SLC39A10: variants seen among roughly 807,000 people sequenced by gnomAD.
The protein encoded by SLC39A10 is zinc transporter ZIP10.
Under a neutral mutation model 65.1 loss-of-function variants are expected in SLC39A10, and 13 were observed. That is an observed-to-expected ratio of 0.20 (90% CI 0.13 to 0.32). The LOEUF (loss-of-function observed/expected upper bound fraction) is 0.32, where lower values mean the gene tolerates loss of function less well. Ranked by LOEUF, SLC39A10 falls within the 10% of genes least tolerant of loss-of-function variation. SLC39A10 has a pLI of 1.00. For missense variants in SLC39A10, 831 were observed against 1,018.4 expected, an observed-to-expected ratio of 0.82 and a Z score of 2.50; for synonymous variants, 321 against 342.2, an observed-to-expected ratio of 0.94 and a Z score of 0.68.
rs1330875490 is a variant in SLC39A10, at chr2:195,657,489, C to G, written c.-12+208C>G. ...CAGCCGAAGCAGAGCGCGTGGTGGG[C>G]AGAGTGTTGGGCGCCGCGGCTCCTC... On this transcript the variant is annotated intron_variant, in intron 1 of 9. Coordinates refer to ENST00000359634, the MANE Select transcript of SLC39A10 (RefSeq NM_020342.3). 1.1e-5 allele frequency: 11 copies of G among 985,472 alleles called. No individual in the cohort carries two copies. In the East Asian group the frequency reaches 4.5e-4, roughly 41 times the overall value. 61.0% of individuals were successfully genotyped at this position (985,472 alleles called of 1,614,324 possible).
chr2:195,657,576 C>T, intron 1 of SLC39A10: 1 of 982,554 alleles, frequency 1.0e-6, no homozygotes, highest in Non-Finnish European at 1.2e-6. Context: ...ACTTCGCGTG[C>T]GGAGCCTCGC....
intron 1 of SLC39A10, among the ~76,000 whole-genome samples, chr2:195,678,872 A>T (rs1452829576): frequency 6.6e-6 from 1 of 152,206 alleles, no homozygotes; most frequent in Non-Finnish European, 1.5e-5. Context: ...TATTTTGGAT[A>T]TAATGGGTTA....
intron 3 of SLC39A10, among the ~76,000 whole-genome samples, chr2:195,695,603 C>T (rs927141233): frequency 6.6e-6 from 1 of 152,170 alleles, no homozygotes; most frequent in Non-Finnish European, 1.5e-5. Flanking sequence ...AATCCAGTTC[C>T]TCCAAAGGTC....
chr2:195,630,024 C>T (rs921794513), intron 2 of SLC39A10, among the ~76,000 whole-genome samples: 29 of 151,932 alleles, frequency 1.9e-4, no homozygotes, highest in Non-Finnish European at 4.4e-5. Flanking sequence ...GAATGAGCCA[C>T]TACTGCACCC....
At chr2:195,694,226 C>A (rs889204887) in intron 3 of SLC39A10, among the ~76,000 whole-genome samples, 6 of 152,130 alleles carry the variant, frequency 3.9e-5, no homozygotes, top group African/African-American at 1.4e-4. Context: ...GTCATATGGT[C>A]TATCTTGGAG....
Position 195,735,030 on chromosome 2 carries a change from A to C in SLC39A10, c.2485A>C (p.Ile829Leu), listed in dbSNP as rs1387694520. ...CTATGAAGATAAAATTGTGTTTGACATCCAGTTTTGACCTTTCCCAGTAAT... is the reference window on the plus strand; with the variant it reads ...CTATGAAGATAAAATTGTGTTTGACCTCCAGTTTTGACCTTTCCCAGTAAT... ...ALYEDKIVFD[I>L]QF is the part of the protein sequence containing the mutation. Residue 829 changes from isoleucine to leucine, a missense_variant, in exon 10 of 10, where the codon ATC becomes CTC. Around this residue, in one of 4 missense-constraint regions of SLC39A10, gnomAD observed 120 missense variants for 203.9 expected, o/e 0.59. Coordinates refer to ENST00000359634, the MANE Select transcript of SLC39A10 (RefSeq NM_020342.3). 1 of 1,609,422 alleles carries C rather than the reference A, an allele frequency of 6.2e-7. No individual in the cohort carries two copies. Among genetic ancestry groups the C allele is most frequent in the Non-Finnish European group, 8.5e-7 (1 of 1,178,622 alleles).
intron 1 of SLC39A10, among the ~76,000 whole-genome samples, chr2:195,674,902 C>T (rs1161507800): frequency 6.6e-6 from 1 of 152,048 alleles, no homozygotes; most frequent in African/African-American, 2.4e-5. Flanking sequence ...AGTAAAAATT[C>T]AGTATAAAAG....
intron 3 of SLC39A10, among the ~76,000 whole-genome samples, chr2:195,701,907 C>T (rs1378672516): frequency 6.6e-6 from 1 of 151,972 alleles, no homozygotes; most frequent in Non-Finnish European, 1.5e-5. Flanking sequence ...GTCTCAAACG[C>T]CTGGGCTCAG....
At chr2:195,644,245 C>G (rs745337676) in intron 2 of SLC39A10, among the ~76,000 whole-genome samples, 2 of 151,638 alleles carry the variant, frequency 1.3e-5, no homozygotes, top group Non-Finnish European at 2.9e-5. Flanking sequence ...GCCTGTGATC[C>G]CAGCACTTTG....
At chr2:195,657,855 C>T (rs1014030132) in intron 1 of SLC39A10, among the ~76,000 whole-genome samples, 32 of 152,312 alleles carry the variant, frequency 2.1e-4, no homozygotes, top group Non-Finnish European at 8.8e-5. Flanking sequence ...ACCGCTGTTC[C>T]GGACCGAGGC....
intron 2 of SLC39A10, among the ~76,000 whole-genome samples, chr2:195,637,382 CA>C (rs1688716308): frequency 6.6e-6 from 1 of 152,132 alleles, no homozygotes; most frequent in Non-Finnish European, 1.5e-5. Context: ...CCAGGGAACA[CA>C]AAATATCTCA....
intron 1 of SLC39A10, among the ~76,000 whole-genome samples, chr2:195,675,611 T>C (rs1690053899): frequency 6.6e-6 from 1 of 152,144 alleles, no homozygotes; most frequent in Non-Finnish European, 1.5e-5. Context: ...TTTTTGAATC[T>C]TCAGTAGAGA....
chr2:195,731,839 T>A (rs1432708768), intron 9 of SLC39A10, among the ~76,000 whole-genome samples: 3 of 152,212 alleles, frequency 2.0e-5, no homozygotes, highest in Non-Finnish European at 2.9e-5. Context: ...GAATGATTTA[T>A]AACATCATTC....
At chr2:195,625,223 AAAG>A (rs1156822542) in intron 2 of SLC39A10, among the ~76,000 whole-genome samples, 118 of 60,420 alleles carry the variant, frequency 2.0e-3, no homozygotes, top group African/African-American at 9.0e-3. Context: ...TCTCAAAAAA[AAAG>A]AAAGAAAGAA....
chr2:195,658,492 T>G (rs1380576449), intron 1 of SLC39A10: 3 of 152,246 alleles, frequency 2.0e-5, no homozygotes, highest in Non-Finnish European at 4.4e-5. Context: ...TAATTTTACA[T>G]TGGAACTGAG....
chr2:195,673,389 C>T (rs536510670), intron 1 of SLC39A10, among the ~76,000 whole-genome samples: 5 of 152,170 alleles, frequency 3.3e-5, no homozygotes, highest in East Asian at 1.9e-4. Flanking sequence ...CTTGAACTTG[C>T]GCTCAAGATC....
chr2:195,709,787 A>C (rs945605066), intron 5 of SLC39A10, among the ~76,000 whole-genome samples: 7 of 152,212 alleles, frequency 4.6e-5, no homozygotes, highest in Non-Finnish European at 7.3e-5. Flanking sequence ...ATTGACTTAA[A>C]TAGGATGGCA....
chr2:195,650,726 G>T lies in SLC39A10; in HGVS notation c.-11-29306G>T, dbSNP rs77431101. On this transcript the variant is annotated intron_variant, in intron 2 of 2. Transcript: ENST00000458054. ...CAATCTATTTTTGTCTCTGCAAATA[G>T]CCTGAAACTCGGTTTTATTGCACAA... Among the ~76,000 whole-genome samples the T allele has an allele frequency of 1.1e-3, 164 of 152,134 alleles. 3 individuals are homozygous for T. In the East Asian group the frequency reaches 0.029, roughly 27 times the overall value.
chr2:195,698,710 G>C (rs1691069529), intron 3 of SLC39A10, among the ~76,000 whole-genome samples: 5 of 148,582 alleles, frequency 3.4e-5, no homozygotes. Context: ...TTATTTGCTA[G>C]TTTTTTTTTT....
Sources: allele counts gnomAD v4.1 joint callset (sites outside exome capture counted in the v4.1 genomes callset), GRCh38; gene constraint gnomAD v4.1.1; regional missense constraint gnomAD v4.1.1; transcripts MANE v1.5; gene names NCBI Gene and HGNC (gene_info 2026-07-23, HGNC 2026-07-21).